The following NXPE2 variants were observed in gnomAD, a reference collection of about 807,000 sequenced individuals.
NXPE2 encodes the protein NXPE family member 2.
A neutral mutation model predicts 34.4 loss-of-function variants in NXPE2; 34 were observed. That is an observed-to-expected ratio of 0.99 (90% CI 0.75 to 1.31). The LOEUF (loss-of-function observed/expected upper bound fraction) is 1.31, where lower values mean the gene tolerates loss of function less well. Ranked by LOEUF, NXPE2 falls within the 40% of genes most tolerant of loss-of-function variation. NXPE2 has a pLI of 0.00. For missense variants in NXPE2, 649 were observed against 672.5 expected, an observed-to-expected ratio of 0.97 and a Z score of 0.39; for synonymous variants, 235 against 231.3, an observed-to-expected ratio of 1.02 and a Z score of -0.15.
the NXPE2 span, among the ~76,000 whole-genome samples, chr11:114,792,744 C>CTTAT: frequency 8.5e-5 from 13 of 152,116 alleles, no homozygotes; most frequent in Admixed American, 5.2e-4. Flanking sequence ...TGCAAATCCT[C>CTTAT]TTATATCAAT....
upstream of NXPE2, among the ~76,000 whole-genome samples, chr11:114,675,769 C>T (rs1950852043): frequency 6.6e-6 from 1 of 151,738 alleles, no homozygotes; most frequent in Admixed American, 6.6e-5. Flanking sequence ...TACATGGAAC[C>T]ACAAAAGACC....
At chr11:114,766,914 A>G in the NXPE2 span, among the ~76,000 whole-genome samples, 1 of 152,144 alleles carries the variant, frequency 6.6e-6, no homozygotes, top group South Asian at 2.1e-4. Context: ...TTTCTCCAAG[A>G]TCTAATGAAA....
At chr11:114,650,550 T>G in the NXPE2 span, among the ~76,000 whole-genome samples, 2 of 152,080 alleles carry the variant, frequency 1.3e-5, no homozygotes, top group Non-Finnish European at 2.9e-5. Flanking sequence ...GGGCAAGTAC[T>G]GTTCTCCTTC....
chr11:114,483,988 T>A, the NXPE2 span, among the ~76,000 whole-genome samples: 7 of 152,234 alleles, frequency 4.6e-5, no homozygotes, highest in East Asian at 1.4e-3. Flanking sequence ...CCACTGATGC[T>A]TTTATGGGTT....
At chr11:114,476,286 ATC>A in the NXPE2 span, among the ~76,000 whole-genome samples, 1,763 of 152,314 alleles carry the variant, frequency 0.012, 27 homozygotes, top group African/African-American at 0.04. Flanking sequence ...TTGTATACAT[ATC>A]TCTCTATAAT....
At chr11:114,808,990 C>A in the NXPE2 span, among the ~76,000 whole-genome samples, 1 of 152,136 alleles carries the variant, frequency 6.6e-6, no homozygotes, top group Non-Finnish European at 1.5e-5. Context: ...AAAAGCTTAT[C>A]CACCATGATC....
At chr11:114,786,549 G>A in the NXPE2 span, among the ~76,000 whole-genome samples, 1 of 152,234 alleles carries the variant, frequency 6.6e-6, no homozygotes, top group East Asian at 1.9e-4. Flanking sequence ...GAGGAGTACA[G>A]GTTGCTAAAT....
At chr11:114,755,711 T>C in the NXPE2 span, among the ~76,000 whole-genome samples, 1 of 146,930 alleles carries the variant, frequency 6.8e-6, no homozygotes, top group African/African-American at 2.5e-5. Flanking sequence ...TATCTATCCA[T>C]CTATCTCTGT....
the NXPE2 span, among the ~76,000 whole-genome samples, chr11:114,560,893 T>C: frequency 1.3e-5 from 2 of 152,204 alleles, no homozygotes; most frequent in Non-Finnish European, 2.9e-5. Context: ...CTGTCCCAGA[T>C]TGGCTTTTCT....
At chr11:114,512,665 T>C in the NXPE2 span, 1 of 154,016 alleles carries the variant, frequency 6.5e-6, no homozygotes, top group Non-Finnish European at 1.4e-5. Context: ...CCATGTTCAC[T>C]GTTAATTAAA....
chr11:114,721,478 C>G, the NXPE2 span, among the ~76,000 whole-genome samples: 6 of 152,066 alleles, frequency 3.9e-5, no homozygotes, highest in Non-Finnish European at 7.4e-5. Flanking sequence ...TCTGGATCCT[C>G]TCTGTTAGAG....
At chr11:114,807,991 G>A in the NXPE2 span, among the ~76,000 whole-genome samples, 271 of 152,010 alleles carry the variant, frequency 1.8e-3, 2 homozygotes, top group African/African-American at 5.2e-3. Flanking sequence ...ATAACAAACT[G>A]TCTCTCAGAC....
the NXPE2 span, among the ~76,000 whole-genome samples, chr11:114,811,325 T>TA: frequency 7.4e-6 from 1 of 135,308 alleles, no homozygotes; most frequent in African/African-American, 2.8e-5. Context: ...CCCTAAAACT[T>TA]AAAGTATAAT....
chr11:114,639,189 G>C, the NXPE2 span, among the ~76,000 whole-genome samples: 1 of 151,866 alleles, frequency 6.6e-6, no homozygotes, highest in Non-Finnish European at 1.5e-5. Context: ...CCCTCCCCCA[G>C]CCTCACTGCC....
chr11:114,706,503 T>C lies in NXPE2; in HGVS notation c.1253T>C (p.Val418Ala), dbSNP rs769927726. 1.1e-5 allele frequency: 17 copies of C among 1,551,748 alleles called. No homozygotes were observed. In the African/African-American group the frequency reaches 2.1e-4, roughly 19 times the overall value. Residue 418 changes from valine (V) to alanine (A), a missense_variant, in exon 6 of 6, where the codon GTT becomes GCT. Coordinates refer to ENST00000389586, the MANE Select transcript of NXPE2 (RefSeq NM_182495.6). ...IQWKKHGHPF[V>A]TKKLFSVKDE... is the part of the protein sequence containing the mutation. ...TGGAAAAAACATGGTCATCCATTTGTTACCAAAAAATTATTCTCAGTGAAA... is the reference window on the plus strand; with the variant it reads ...TGGAAAAAACATGGTCATCCATTTGCTACCAAAAAATTATTCTCAGTGAAA...
At chr11:114,602,692 T>A in the NXPE2 span, among the ~76,000 whole-genome samples, 2 of 139,912 alleles carry the variant, frequency 1.4e-5, no homozygotes, top group African/African-American at 5.3e-5. Flanking sequence ...AATAATTATC[T>A]CATATATAAT....
the NXPE2 span, among the ~76,000 whole-genome samples, chr11:114,741,895 G>C: frequency 3.3e-5 from 5 of 152,302 alleles, no homozygotes; most frequent in East Asian, 7.7e-4. Flanking sequence ...GAAGTCCAGT[G>C]TTGCTGTCTT....
At chr11:114,480,814 A>T in the NXPE2 span, among the ~76,000 whole-genome samples, 1 of 152,186 alleles carries the variant, frequency 6.6e-6, no homozygotes, top group Non-Finnish European at 1.5e-5. Flanking sequence ...AAATAGGATA[A>T]TTAATTTGTG....
chr11:114,749,620 T>C, the NXPE2 span, among the ~76,000 whole-genome samples: 1 of 152,224 alleles, frequency 6.6e-6, no homozygotes, highest in African/African-American at 2.4e-5. Context: ...TCCCTTTTCA[T>C]TTTTGTAATG....
Sources: gnomAD v4.1 joint callset for allele counts (sites outside exome capture counted in the v4.1 genomes callset) on GRCh38, gnomAD v4.1.1 for gene constraint, MANE v1.5 for transcripts, NCBI Gene and HGNC (gene_info 2026-07-23, HGNC 2026-07-21) for gene names.